The following TYR variants were observed in gnomAD, a reference collection of about 807,000 sequenced individuals.
TYR encodes the protein tyrosinase, also known as LB24-AB.
In TYR, 58 loss-of-function variants were observed where a neutral mutation model predicts 51.5. That is an observed-to-expected ratio of 1.13 (90% confidence interval 0.91 to 1.40). The LOEUF is 1.40. Among genes scored for constraint, TYR ranks in the 40% most tolerant of loss-of-function variants. The pLI is 0.00. For missense variants in TYR, 732 were observed against 647.4 expected (o/e 1.13, Z -1.42); for synonymous variants, 263 against 235.2 (o/e 1.12, Z -1.08).
intron 3 of TYR, among the ~76,000 whole-genome samples, chr11:89,268,158 T>C (rs887928921): frequency 4.6e-5 from 7 of 151,956 alleles, no homozygotes; most frequent in African/African-American, 1.7e-4. Flanking sequence ...AAGTATAACA[T>C]AGCTCATAGG....
intron 2 of TYR, among the ~76,000 whole-genome samples, chr11:89,213,258 T>C (rs1392262260): frequency 1.3e-5 from 2 of 152,146 alleles, no homozygotes; most frequent in Non-Finnish European, 2.9e-5. Context: ...ACAAAATCAA[T>C]GTGCAAAAAT....
intron 3 of TYR, among the ~76,000 whole-genome samples, chr11:89,267,703 T>C (rs1412976009): frequency 1.3e-5 from 2 of 152,004 alleles, no homozygotes; most frequent in African/African-American, 4.8e-5. Flanking sequence ...GAAGTTTTTA[T>C]TTGTAATGTA....
In TYR at chr11:89,247,121, T is replaced by C. The variant is rs2135296258; in HGVS notation, c.1184+19151T>C. 1.3e-5 allele frequency among the ~76,000 whole-genome samples: 2 copies of C among 152,318 alleles called. 1 individual carries two copies. Among genetic ancestry groups the C allele is most frequent in the Non-Finnish European group, 2.9e-5 (2 of 68,028 alleles). ...ATACCATTATAGTCATATTTGTCTA[T>C]ATTCTGACAGCTGTTTTTCTTTTTG... On this transcript the variant is annotated intron_variant, in intron 3 of 4. Coordinates refer to ENST00000263321, the MANE Select transcript of TYR (RefSeq NM_000372.5).
At chr11:89,239,781 A>G (rs1413103637) in intron 3 of TYR, among the ~76,000 whole-genome samples, 1 of 151,964 alleles carries the variant, frequency 6.6e-6, no homozygotes, top group African/African-American at 2.4e-5. Flanking sequence ...TTCCTTTTTA[A>G]TGTTTTAATT....
intron 4 of TYR, chr11:89,294,186 T>A (rs944854017): frequency 6.5e-6 from 1 of 153,244 alleles, no homozygotes; most frequent in African/African-American, 2.4e-5. Context: ...TCCAGTAGTT[T>A]TTCCACAAAT....
chr11:89,222,547 T>A (rs1235406833), intron 2 of TYR, among the ~76,000 whole-genome samples: 11 of 152,102 alleles, frequency 7.2e-5, no homozygotes, highest in African/African-American at 2.7e-4. Flanking sequence ...GAGATTAGTG[T>A]GGCCAACATG....
Position 89,231,799 on chromosome 11 carries a change from C to T in TYR, c.1184+3829C>T, listed in dbSNP as rs191004341. ...AGGAGTTCGAGGCCATGCTAGGCAA[C>T]ACAGTAAAACCCCATTTCTACTAAA... is the stretch of plus-strand genomic sequence containing the variant. On this transcript the variant is annotated intron_variant, in intron 3 of 4. Transcript: ENST00000263321. Among the ~76,000 whole-genome samples the T allele has an allele frequency of 2.5e-4, 35 of 141,162 alleles. 6 individuals carry two copies. The highest frequency in any genetic ancestry group is 9.1e-4 in the African/African-American group (32 of 35,314). 92.6% of individuals were successfully genotyped at this position (141,162 alleles called of 152,430 possible). A position where few individuals can be genotyped will look rare whatever the true frequency, so the allele number is the denominator to read the frequency against.
At chr11:89,199,711 C>A (rs1591148932) in intron 2 of TYR, among the ~76,000 whole-genome samples, 1 of 152,266 alleles carries the variant, frequency 6.6e-6, no homozygotes, top group Non-Finnish European at 1.5e-5. Context: ...TTTTCTCCTG[C>A]CACCTTCTCT....
chr11:89,223,973 G>A (rs1943945742), intron 2 of TYR, among the ~76,000 whole-genome samples: 1 of 150,204 alleles, frequency 6.7e-6, no homozygotes, highest in Admixed American at 6.7e-5. Context: ...GGTCAGTATA[G>A]TAGTGAGTAA....
chr11:89,201,878 T>C (rs1197515423), intron 2 of TYR, among the ~76,000 whole-genome samples: 1 of 152,188 alleles, frequency 6.6e-6, no homozygotes, highest in East Asian at 1.9e-4. Context: ...GGGAAGACCT[T>C]ATTAATTTCA....
chr11:89,252,038 G>A (rs1368790680), intron 3 of TYR, among the ~76,000 whole-genome samples: 1 of 151,666 alleles, frequency 6.6e-6, no homozygotes, highest in East Asian at 1.9e-4. Flanking sequence ...TACAAAATGA[G>A]GACATTGGCT....
intron 3 of TYR, among the ~76,000 whole-genome samples, chr11:89,257,722 C>T (rs539175727): frequency 6.6e-6 from 1 of 151,964 alleles, no homozygotes; most frequent in East Asian, 1.9e-4. Context: ...TTTTTTACTA[C>T]CCATTAAATG....
At position 89,191,569 on chromosome 11, in the gene TYR, T is replaced by G. The variant is rs973027146; in HGVS notation, c.1036+151T>G. On this transcript the variant is annotated intron_variant, in intron 2 of 4. Coordinates refer to ENST00000263321, the MANE Select transcript of TYR (RefSeq NM_000372.5). ...TACTTATATCGACAATGACCCTAGC[T>G]GACACTGGTCAGCACGTTATAATTC... The G allele has an allele frequency of 2.5e-5, 19 of 752,994 alleles. No homozygotes were observed. The Admixed American group carries it at 4.6e-4, about 18-fold the overall frequency. The allele number at this position is 752,994 out of a possible 1,614,324, so 46.6% of individuals were successfully genotyped here.
At chr11:89,261,099 G>T (rs1270577475) in intron 3 of TYR, among the ~76,000 whole-genome samples, 1 of 152,090 alleles carries the variant, frequency 6.6e-6, no homozygotes, top group African/African-American at 2.4e-5. Flanking sequence ...CACCAAAAAG[G>T]TTGGGAACAG....
chr11:89,289,976 A>G (rs1360819157), intron 4 of TYR, among the ~76,000 whole-genome samples: 2 of 152,104 alleles, frequency 1.3e-5, no homozygotes, highest in African/African-American at 2.4e-5. Context: ...ACCAAGGGCT[A>G]TACATACATT....
chr11:89,270,436 C>A (rs2298458), intron 3 of TYR, among the ~76,000 whole-genome samples: 9,846 of 151,878 alleles, frequency 0.065, 444 homozygotes, highest in East Asian at 0.13. Flanking sequence ...CTGTACTGTG[C>A]TGAATTATTG....
Position 89,295,499 on chromosome 11 carries a change from T to C in TYR, c.*133T>C, listed in dbSNP as rs781611621. 2.5e-6 allele frequency: 3 copies of C among 1,179,782 alleles called. No individual in the cohort carries two copies. Among genetic ancestry groups the C allele is most frequent in the Non-Finnish European group, 3.6e-6 (3 of 824,932 alleles). The allele number at this position is 1,179,782 out of a possible 1,614,324, so 73.1% of individuals were successfully genotyped here. ...TGCAAAATTGTAACCTAATACAAAG[T>C]GTAGCCTTCTTCCAACTCAGGTAGA... On this transcript the variant is annotated 3_prime_UTR_variant, in exon 5 of 5. Coordinates refer to ENST00000263321, the MANE Select transcript of TYR (RefSeq NM_000372.5).
Position 89,241,155 on chromosome 11 carries a change from T to G in TYR, c.1184+13185T>G, listed in dbSNP as rs147705397. 2.4e-4 allele frequency among the ~76,000 whole-genome samples: 37 copies of G among 152,272 alleles called. No homozygotes were observed. The East Asian group carries it at 6.6e-3, about 27-fold the overall frequency. On this transcript the variant is annotated intron_variant, in intron 3 of 4. Coordinates refer to ENST00000263321, the MANE Select transcript of TYR (RefSeq NM_000372.5). Reference sequence around the variant, plus strand: ...TGGTGTCTGTAAATGCTCTTCAACTTGGATGGTGGGAGAGGGTGTAGAAAG... The same window carrying G: ...TGGTGTCTGTAAATGCTCTTCAACTGGGATGGTGGGAGAGGGTGTAGAAAG...
chr11:89,244,157 G>A (rs1944235572), intron 3 of TYR, among the ~76,000 whole-genome samples: 1 of 152,136 alleles, frequency 6.6e-6, no homozygotes, highest in South Asian at 2.1e-4. Flanking sequence ...ATACAAAAGG[G>A]TAGAGAGGGA....
Sources: gnomAD v4.1 joint callset for allele counts (sites outside exome capture counted in the v4.1 genomes callset) on GRCh38, gnomAD v4.1.1 for gene constraint, MANE v1.5 for transcripts, NCBI Gene and HGNC (gene_info 2026-07-23, HGNC 2026-07-21) for gene names.